MRTFB: variants seen among roughly 807,000 people sequenced by gnomAD.
MRTFB encodes the protein myocardin-related transcription factor B.
MRTFB carries 29 observed loss-of-function variants against 104.2 expected under a neutral mutation model. The ratio of observed to expected loss-of-function variants is 0.28; its 90% CI spans 0.21 to 0.38. The LOEUF (loss-of-function observed/expected upper bound fraction) is 0.38, where lower values mean the gene tolerates loss of function less well. Among genes scored for constraint, MRTFB ranks in the 10% least tolerant of loss-of-function variants. MRTFB has a pLI of 1.00. For synonymous variants in MRTFB, 535 were observed against 519.5 expected (o/e 1.03, Z -0.41); for missense variants, 1,270 against 1,341.6 (o/e 0.95, Z 0.83).
chr16:14,123,979 C>G (rs1038151916), intron 2 of MRTFB, among the ~76,000 whole-genome samples: 1 of 152,090 alleles, frequency 6.6e-6, no homozygotes, highest in Non-Finnish European at 1.5e-5. Flanking sequence ...GAAGAGATCC[C>G]TCACATCCCT....
intron 13 of MRTFB, among the ~76,000 whole-genome samples, chr16:14,249,781 T>C (rs1042096970): frequency 6.6e-6 from 1 of 152,252 alleles, no homozygotes; most frequent in Non-Finnish European, 1.5e-5. Context: ...TAGGTCTTAC[T>C]CTTTTAAACC....
At chr16:14,233,865 A>G (rs1035959025) in intron 8 of MRTFB, among the ~76,000 whole-genome samples, 6 of 151,708 alleles carry the variant, frequency 4.0e-5, no homozygotes, top group Non-Finnish European at 8.8e-5. Context: ...TTCCCTGCCA[A>G]TAAAGAGTGG....
chr16:14,165,075 C>T (rs1053578460), intron 3 of MRTFB, among the ~76,000 whole-genome samples: 5 of 151,794 alleles, frequency 3.3e-5, no homozygotes, highest in African/African-American at 1.2e-4. Flanking sequence ...TGTCTTGGCT[C>T]CTAGAAACAG....
chr16:14,179,340 T>G (rs2039691754), intron 3 of MRTFB, among the ~76,000 whole-genome samples: 1 of 152,240 alleles, frequency 6.6e-6, no homozygotes. Flanking sequence ...ACTATTACAG[T>G]CTGGCTATCA....
At chr16:14,077,071 A>T (rs1274880098) in intron 1 of MRTFB, among the ~76,000 whole-genome samples, 1 of 152,194 alleles carries the variant, frequency 6.6e-6, no homozygotes, top group Non-Finnish European at 1.5e-5. Context: ...ACTTGTTTTT[A>T]AAAATGACTT....
intron 3 of MRTFB, among the ~76,000 whole-genome samples, chr16:14,183,018 A>G (rs550378073): frequency 6.6e-6 from 1 of 152,316 alleles, no homozygotes; most frequent in African/African-American, 2.4e-5. Context: ...TAATTTAGCC[A>G]AACACACCAA....
Position 14,217,220 on chromosome 16 carries a change from T to C in MRTFB, c.447T>C (p.Pro149=). 1 of 1,613,816 alleles carries C rather than the reference T, an allele frequency of 6.2e-7. No homozygotes were observed. Among genetic ancestry groups the C allele is most frequent in the Non-Finnish European group, 8.5e-7 (1 of 1,179,836 alleles). ...TGAATGAAAAGATTGCTCAAAGACCTGGTCCTATGGAGCTGGTAGAGAAAA... is the reference window on the plus strand; with the variant it reads ...TGAATGAAAAGATTGCTCAAAGACCCGGTCCTATGGAGCTGGTAGAGAAAA... The part of the protein sequence containing the change: ...DDLNEKIAQR[P]GPMELVEKNI... Residue 149 remains proline (P), a synonymous_variant, in exon 7 of 17, where the codon CCT becomes CCC. Coordinates refer to ENST00000571589, the MANE Select transcript of MRTFB (RefSeq NM_001308142.2).
the MRTFB span, among the ~76,000 whole-genome samples, chr16:14,031,905 T>A: frequency 6.6e-6 from 1 of 152,200 alleles, no homozygotes; most frequent in African/African-American, 2.4e-5. Context: ...TCTCCCGGGT[T>A]CATGCGATTC....
chr16:14,115,020 G>A (rs2036471239), intron 2 of MRTFB, among the ~76,000 whole-genome samples: 1 of 152,310 alleles, frequency 6.6e-6, no homozygotes, highest in South Asian at 2.1e-4. Context: ...TGCCACCACA[G>A]CCATGGCTAG....
At chr16:14,142,245 C>CTTTTTTTTTTTT (rs71999049) in intron 3 of MRTFB, 5 of 122,166 alleles carry the variant, frequency 4.1e-5, no homozygotes, top group East Asian at 2.6e-4. Context: ...TCTTTTCTTT[C>CTTTTTTTTTTTT]TTTTTTTTTT....
upstream of MRTFB, among the ~76,000 whole-genome samples, chr16:14,070,994 G>A (rs560444837): frequency 6.6e-6 from 1 of 152,336 alleles, no homozygotes; most frequent in Non-Finnish European, 1.5e-5. Flanking sequence ...CACTCAGGAC[G>A]GGTGGCAGCG....
At chr16:14,019,063 A>G in the MRTFB span, 51 of 152,298 alleles carry the variant, frequency 3.3e-4, no homozygotes, top group Non-Finnish European at 6.0e-4. Flanking sequence ...CAGTGAAATC[A>G]TTGTTTTGTC....
rs2039636284 is a variant in MRTFB at position 14,177,877 on chromosome 16, G to A, written c.155-32366G>A. Among the ~76,000 whole-genome samples, 1 of 150,230 alleles carries A rather than the reference G, an allele frequency of 6.7e-6. No homozygotes were observed. Among genetic ancestry groups the A allele is most frequent in the Non-Finnish European group, 1.5e-5 (1 of 67,780 alleles). On this transcript the variant is annotated intron_variant, in intron 3 of 16. Transcript: ENST00000571589. This position sits in a 1 kb window ranked among gnomAD's most constrained non-coding sequence, Gnocchi z 4.7. The stretch of plus-strand genomic sequence containing the variant: ...TCATTTAGAAACTATTATTTAGAAA[G>A]CGAGAAGTACATGAACCAGAGGTAG...
intron 2 of MRTFB, among the ~76,000 whole-genome samples, chr16:14,103,521 T>G (rs2035809780): frequency 6.6e-6 from 1 of 152,174 alleles, no homozygotes; most frequent in Admixed American, 6.5e-5. Flanking sequence ...CAGTGCTGAT[T>G]AGATTCAGGG....
intron 3 of MRTFB, chr16:14,142,245 C>CTTTTTTTTTTTTTTTTT (rs71999049): frequency 3.3e-5 from 4 of 122,176 alleles, no homozygotes; most frequent in East Asian, 2.6e-4. Context: ...TCTTTTCTTT[C>CTTTTTTTTTTTTTTTTT]TTTTTTTTTT....
chr16:14,169,343 C>T (rs1246639054), intron 3 of MRTFB, among the ~76,000 whole-genome samples: 2 of 152,146 alleles, frequency 1.3e-5, no homozygotes, highest in Non-Finnish European at 2.9e-5. Flanking sequence ...TCTGCTTTTC[C>T]TGCCTGTTTG....
At chr16:14,172,518 T>C (rs1014281696) in intron 3 of MRTFB, among the ~76,000 whole-genome samples, 1 of 152,186 alleles carries the variant, frequency 6.6e-6, no homozygotes, top group Non-Finnish European at 1.5e-5. Flanking sequence ...TTTAATGATG[T>C]CAGAGATTTA....
At chr16:14,053,737 A>G in the MRTFB span, among the ~76,000 whole-genome samples, 3 of 151,846 alleles carry the variant, frequency 2.0e-5, no homozygotes, top group African/African-American at 7.3e-5. Context: ...CTCAAAAAAA[A>G]AAAAAAAAAA....
intron 16 of MRTFB, among the ~76,000 whole-genome samples, 154 bp downstream of exon 16, chr16:14,258,315 C>T (rs2043599617): frequency 6.6e-6 from 1 of 152,122 alleles, no homozygotes. Flanking sequence ...AAATTTAGGC[C>T]ATTAAAAGAA....
Sources: gnomAD v4.1 joint callset for allele counts (sites outside exome capture counted in the v4.1 genomes callset) on GRCh38, gnomAD v4.1.1 for gene constraint, Gnocchi (gnomAD v3.1) non-coding constraint, MANE v1.5 for transcripts, NCBI Gene and HGNC (gene_info 2026-07-23, HGNC 2026-07-21) for gene names.